The following PZP variants were observed in gnomAD, a reference collection of about 807,000 sequenced individuals.
PZP encodes PZP alpha-2-macroglobulin like.
In PZP, 150 loss-of-function variants were observed where a neutral mutation model predicts 179.8. That is an observed-to-expected ratio of 0.83 (90% CI 0.73 to 0.96). PZP has a LOEUF of 0.96. PZP is among the 40% of genes least tolerant of loss of function. The probability of loss-of-function intolerance (pLI) is 0.00; values close to 1 mark genes in which losing one functional copy is unlikely to be tolerated. For synonymous variants in PZP, 624 were observed against 652.3 expected (o/e 0.96, Z 0.66); for missense variants, 1,689 against 1,764.0 (o/e 0.96, Z 0.76).
intron 15 of PZP, among the ~76,000 whole-genome samples, chr12:9,180,371 G>T (rs990620966): frequency 6.6e-6 from 1 of 152,136 alleles, no homozygotes; most frequent in Non-Finnish European, 1.5e-5. Context: ...AACAAAGCTG[G>T]AGGCATCACA....
Position 9,162,587 on chromosome 12 carries a change from G to C in PZP, c.2788+10C>G. On this transcript the variant is annotated intron_variant, in intron 22 of 35. Coordinates refer to ENST00000261336, the MANE Select transcript of PZP (RefSeq NM_002864.3). ...TTGATCTCACTATGATTATGAAGATGGACTCTTACCTGAGGCACAGGTCAT... is the reference window on the plus strand; with the variant it reads ...TTGATCTCACTATGATTATGAAGATCGACTCTTACCTGAGGCACAGGTCAT... 6.4e-7 allele frequency: 1 copy of C among 1,561,548 alleles called. No homozygotes were observed. Among genetic ancestry groups the C allele is most frequent in the South Asian group, 1.1e-5 (1 of 89,312 alleles).
chr12:9,200,831 A>T, intron 6 of PZP, 61 bp downstream of exon 6: 1 of 1,515,366 alleles, frequency 6.6e-7, no homozygotes, highest in Non-Finnish European at 8.9e-7. Context: ...CAAAGGATCT[A>T]AGTGAGCTCA....
rs1235089745 is a variant in PZP, at chr12:9,169,482, G to T, written c.1949C>A (p.Ala650Asp). 3 of 1,612,172 alleles carry T rather than the reference G, an allele frequency of 1.9e-6. No homozygotes were observed. Among genetic ancestry groups the T allele is most frequent in the South Asian group, 1.1e-5 (1 of 90,866 alleles). ...CPRPFFIHNG[A>D]IYVPLSSNEA... Reference sequence around the variant, plus strand: ...ATTACTTGATAAGGGAACATAGATGGCTCCATTATGAATGAAGAAAGGACG... The same window carrying T: ...ATTACTTGATAAGGGAACATAGATGTCTCCATTATGAATGAAGAAAGGACG... Residue 650 changes from alanine (A) to aspartate (D), a missense_variant, in exon 16 of 36, where the codon GCC becomes GAC. By Grantham distance (126) the Ala-to-Asp change is moderately radical (BLOSUM62 -2). Around this residue, in one of 3 missense-constraint regions of PZP, gnomAD observed 201 missense variants for 284.2 expected, o/e 0.71. Coordinates refer to ENST00000261336, the MANE Select transcript of PZP (RefSeq NM_002864.3).
chr12:9,161,195 C>G, intron 22 of PZP, 79 bp from the exon 23 acceptor site: 1 of 1,211,076 alleles, frequency 8.3e-7, no homozygotes, highest in Non-Finnish European at 1.2e-6. Flanking sequence ...GTAGTGAGAG[C>G]TTCAGAGCCA....
chr12:9,139,534 T>C, the PZP span, among the ~76,000 whole-genome samples: 82 of 152,328 alleles, frequency 5.4e-4, 2 homozygotes, highest in African/African-American at 1.9e-3. Context: ...GTATTGAAGT[T>C]TCCTACTATT....
chr12:9,193,837 T>A (rs1943592786), intron 11 of PZP, among the ~76,000 whole-genome samples: 1 of 152,152 alleles, frequency 6.6e-6, no homozygotes, highest in Non-Finnish European at 1.5e-5. Flanking sequence ...TCAAATAAGA[T>A]TTTTTTCATA....
chr12:9,160,174 C>T, intron 24 of PZP, 140 bp downstream of exon 24: 1 of 1,103,930 alleles, frequency 9.1e-7, no homozygotes, highest in Non-Finnish European at 1.3e-6. Flanking sequence ...AGATCAAACA[C>T]AACATCCTAT....
At chr12:9,164,437 T>C (rs1023567123) in intron 19 of PZP, among the ~76,000 whole-genome samples, 178 bp from the exon 20 acceptor site, 1 of 152,224 alleles carries the variant, frequency 6.6e-6, no homozygotes, top group African/African-American at 2.4e-5. Flanking sequence ...CAAATCAAGA[T>C]TGGTTGTGTA....
At chr12:9,200,331 T>C (rs1285738864) in intron 7 of PZP, 33 bp downstream of exon 7, 8 of 1,486,050 alleles carry the variant, frequency 5.4e-6, no homozygotes, top group Middle Eastern at 1.7e-4. Flanking sequence ...TGAGGCAAAA[T>C]ATAAAATTTT....
At chr12:9,150,072 C>A (rs1354157243) in intron 34 of PZP, among the ~76,000 whole-genome samples, 1 of 152,184 alleles carries the variant, frequency 6.6e-6, no homozygotes, top group Non-Finnish European at 1.5e-5. Context: ...GCTGTTTTTG[C>A]CTCTCAAACT....
intron 5 of PZP, 104 bp downstream of exon 5, chr12:9,201,223 G>T: frequency 7.5e-7 from 1 of 1,334,408 alleles, no homozygotes; most frequent in Non-Finnish European, 1.0e-6. Flanking sequence ...GAGGAATTCA[G>T]ATCTGAAAAT....
At chr12:9,177,696 G>A (rs182466969) in intron 15 of PZP, among the ~76,000 whole-genome samples, 59 of 152,228 alleles carry the variant, frequency 3.9e-4, no homozygotes, top group African/African-American at 1.4e-3. Flanking sequence ...AAGCGACCAC[G>A]CTTAAACGTT....
At position 9,161,126 on chromosome 12, in the gene PZP, C is replaced by T. The variant is rs768059600; in HGVS notation, c.2789-10G>A. 7 of 1,540,354 alleles carry T rather than the reference C, an allele frequency of 4.5e-6. No individual in the cohort carries two copies. The Admixed American group carries it at 7.4e-5, about 16-fold the overall frequency. ...TCAGACACATTAGCACCTTTAGAAA[C>T]AGACAGCCCATGTTAAAGGAGGACA... On this transcript the variant is annotated splice_polypyrimidine_tract_variant and intron_variant, in intron 22 of 35. Coordinates refer to ENST00000261336, the MANE Select transcript of PZP (RefSeq NM_002864.3).
At chr12:9,154,162 G>C (rs1451528969) in intron 29 of PZP, among the ~76,000 whole-genome samples, 1 of 152,180 alleles carries the variant, frequency 6.6e-6, no homozygotes, top group Non-Finnish European at 1.5e-5. Context: ...AAGATGTCTG[G>C]AACATTGGTT....
intron 18 of PZP, 24 bp from the exon 19 acceptor site, chr12:9,165,391 A>C: frequency 6.2e-7 from 1 of 1,613,016 alleles, no homozygotes; most frequent in South Asian, 1.1e-5. Flanking sequence ...CAAGTGAAGA[A>C]CAGAAATAAT....
chr12:9,185,819 T>TTTTCTTTTCTTTTCTTTTCTTTTC (rs1943074645), intron 13 of PZP, among the ~76,000 whole-genome samples: 6 of 28,666 alleles, frequency 2.1e-4, no homozygotes, highest in African/African-American at 5.2e-4. Flanking sequence ...CTTTTCTTTT[T>TTTTCTTTTCTTTTCTTTTCTTTTC]TTTTTTCTTG....
chr12:9,164,563 A>G lies in PZP; in HGVS notation c.2488-304T>C, dbSNP rs146981618. Among the ~76,000 whole-genome samples the G allele has an allele frequency of 1.1e-4, 17 of 152,304 alleles. No individual in the cohort carries two copies. In the East Asian group the frequency reaches 3.1e-3, roughly 28 times the overall value. On this transcript the variant is annotated intron_variant, in intron 19 of 35. Transcript: ENST00000261336. ...GCCCTAGGGAATACTATCTGCTGCT[A>G]TGTAGATTTTCATAGTTTCTTCCTT...
At chr12:9,174,022 A>C (rs1942188133) in intron 15 of PZP, among the ~76,000 whole-genome samples, 1 of 152,156 alleles carries the variant, frequency 6.6e-6, no homozygotes, top group Non-Finnish European at 1.5e-5. Flanking sequence ...GAGTCACAAC[A>C]AAAAAAGAAA....
chr12:9,160,948 C>T lies in PZP; in HGVS notation c.2872+85G>A, dbSNP rs755092312. On this transcript the variant is annotated intron_variant, in intron 23 of 35. Transcript: ENST00000261336. ...AAAAAAGAATAGCAGCTATCAAGAA[C>T]TTGATAATTCAAATACAAATACGTA... 58 of 1,132,830 alleles carry T rather than the reference C, an allele frequency of 5.1e-5. No homozygotes were observed. The South Asian group carries it at 7.0e-4, about 14-fold the overall frequency. The allele number at this position is 1,132,830 out of a possible 1,614,324, so 70.2% of individuals were successfully genotyped here.
Sources: allele counts gnomAD v4.1 joint callset (sites outside exome capture counted in the v4.1 genomes callset), GRCh38; gene constraint gnomAD v4.1.1; regional missense constraint gnomAD v4.1.1; transcripts MANE v1.5; gene names NCBI Gene and HGNC (gene_info 2026-07-23, HGNC 2026-07-21).